Variants in FRMD5 observed in about 807,000 individuals in gnomAD.
FRMD5 encodes the protein FERM domain containing 5.
In FRMD5, 20 loss-of-function variants were observed where a neutral mutation model predicts 69.0. The observed-to-expected ratio is 0.29, with a 90% CI of 0.20 to 0.42. The LOEUF (loss-of-function observed/expected upper bound fraction) is 0.42. Ranked by LOEUF, FRMD5 falls within the 10% of genes least tolerant of loss-of-function variation. FRMD5 has a pLI of 1.00. For missense variants in FRMD5, 595 were observed against 708.6 expected, an observed-to-expected ratio of 0.84 and a Z score of 1.82; for synonymous variants, 271 against 260.1, an observed-to-expected ratio of 1.04 and a Z score of -0.40.
chr15:44,036,617 C>T (rs958566413), intron 1 of FRMD5, among the ~76,000 whole-genome samples: 6 of 152,142 alleles, frequency 3.9e-5, no homozygotes, highest in Admixed American at 2.0e-4. Flanking sequence ...TAAATAAAAT[C>T]GTATGTGTCA....
chr15:43,999,137 G>A (rs1454591540), intron 1 of FRMD5, among the ~76,000 whole-genome samples: 4 of 151,328 alleles, frequency 2.6e-5, no homozygotes, highest in African/African-American at 9.7e-5. Context: ...GTGTGATCTC[G>A]GCTCACTGCA....
chr15:43,972,506 T>C (rs2090396617), intron 1 of FRMD5, among the ~76,000 whole-genome samples: 1 of 152,188 alleles, frequency 6.6e-6, no homozygotes, highest in African/African-American at 2.4e-5. Flanking sequence ...CTATATCTAG[T>C]AGATCTGGGG....
chr15:43,938,502 C>G (rs1225392371), intron 1 of FRMD5, among the ~76,000 whole-genome samples: 1 of 152,244 alleles, frequency 6.6e-6, no homozygotes, highest in Non-Finnish European at 1.5e-5. Context: ...AAGCAACCTA[C>G]AGCTCCATCC....
chr15:44,001,864 G>C (rs1890229250), intron 1 of FRMD5, among the ~76,000 whole-genome samples: 2 of 152,188 alleles, frequency 1.3e-5, no homozygotes, highest in African/African-American at 4.8e-5. Flanking sequence ...CTCCTGAGTA[G>C]CTGGCTAATT....
Position 44,195,125 on chromosome 15 carries a change from C to T in FRMD5, c.-71G>A. On this transcript the variant is annotated 5_prime_UTR_variant, in exon 1 of 14. Transcript: ENST00000417257. ...CTGGACCAGGCGTCCCTCAGCCCGGCAGCTCCGCACCGACCCCAGGCACCT... is the reference window on the plus strand; with the variant it reads ...CTGGACCAGGCGTCCCTCAGCCCGGTAGCTCCGCACCGACCCCAGGCACCT... 2.4e-6 allele frequency: 3 copies of T among 1,264,054 alleles called. No individual in the cohort carries two copies. The highest frequency in any genetic ancestry group is 5.6e-5 in the East Asian group (2 of 35,810). The allele number at this position is 1,264,054 out of a possible 1,614,324, so 78.3% of individuals were successfully genotyped here. A position where few individuals can be genotyped will look rare whatever the true frequency, so the allele number is the denominator to read the frequency against.
chr15:43,989,372 G>A (rs189924070), intron 1 of FRMD5: 50 of 784,886 alleles, frequency 6.4e-5, no homozygotes, highest in Admixed American at 6.3e-4. Flanking sequence ...TGGATGCCGC[G>A]GGATTCCATG....
intron 1 of FRMD5, among the ~76,000 whole-genome samples, chr15:44,026,227 C>T (rs140813174): frequency 1.1e-4 from 17 of 152,324 alleles, no homozygotes; most frequent in African/African-American, 3.4e-4. Context: ...GTGATCCACC[C>T]GCCTTGGCCT....
At chr15:43,917,284 C>A (rs1351099172) in intron 4 of FRMD5, among the ~76,000 whole-genome samples, 1 of 152,138 alleles carries the variant, frequency 6.6e-6, no homozygotes, top group African/African-American at 2.4e-5. Flanking sequence ...TGGGGTCTGC[C>A]CTGGCACCAG....
intron 7 of FRMD5, among the ~76,000 whole-genome samples, chr15:43,900,094 G>C (rs2089008418): frequency 6.6e-6 from 1 of 152,122 alleles, no homozygotes; most frequent in Non-Finnish European, 1.5e-5. Flanking sequence ...CATATCTTCA[G>C]GCAGCCGTCT....
chr15:44,156,023 C>G (rs2077522672), intron 1 of FRMD5, among the ~76,000 whole-genome samples: 1 of 152,172 alleles, frequency 6.6e-6, no homozygotes, highest in Admixed American at 6.5e-5. Flanking sequence ...AGCACAGTGT[C>G]ACAAAAGTTG....
chr15:44,158,690 G>C (rs568743430), intron 1 of FRMD5, among the ~76,000 whole-genome samples: 1 of 152,288 alleles, frequency 6.6e-6, no homozygotes, highest in African/African-American at 2.4e-5. Context: ...GTAAAGAAGA[G>C]CCTACATTTA....
At chr15:43,989,018 G>GT (rs1889535131) in intron 1 of FRMD5, 1 of 808,166 alleles carries the variant, frequency 1.2e-6, no homozygotes, top group Admixed American at 1.8e-5. Context: ...CGCAAGTTAG[G>GT]TTTTGTCAAG....
intron 1 of FRMD5, among the ~76,000 whole-genome samples, chr15:44,183,189 G>C (rs1375755886): frequency 2.6e-5 from 4 of 152,130 alleles, no homozygotes; most frequent in African/African-American, 9.7e-5. Flanking sequence ...GAACAAGAAG[G>C]CTGGTGATCC....
chr15:44,158,478 G>C (rs186937501), intron 1 of FRMD5, among the ~76,000 whole-genome samples: 1 of 152,188 alleles, frequency 6.6e-6, no homozygotes, highest in East Asian at 1.9e-4. Flanking sequence ...CTTGGAAACT[G>C]TTCTGGATAT....
intron 13 of FRMD5, chr15:43,879,590 A>G (rs2140344040): frequency 5.0e-6 from 2 of 399,042 alleles, no homozygotes; most frequent in Non-Finnish European, 8.8e-6. Flanking sequence ...GGATGCGCAC[A>G]CTTAGGGGCC....
intron 1 of FRMD5, among the ~76,000 whole-genome samples, chr15:44,191,932 A>ATATATATATATC (rs2078203231): frequency 1.1e-5 from 1 of 92,036 alleles, no homozygotes; most frequent in Non-Finnish European, 2.2e-5. Flanking sequence ...TTATATATAT[A>ATATATATATATC]TATATATATG....
chr15:44,063,086 C>T (rs1285355081), intron 1 of FRMD5, among the ~76,000 whole-genome samples: 4 of 152,154 alleles, frequency 2.6e-5, no homozygotes, highest in Non-Finnish European at 5.9e-5. Flanking sequence ...GGCTATTCTA[C>T]GTTCTTTCCA....
chr15:43,939,494 C>G (rs1245880587), intron 1 of FRMD5, among the ~76,000 whole-genome samples: 1 of 152,146 alleles, frequency 6.6e-6, no homozygotes, highest in Admixed American at 6.5e-5. Flanking sequence ...GTGGGTTTTT[C>G]TCCCCAGGTA....
At chr15:43,948,954 A>T (rs150628805) in intron 1 of FRMD5, among the ~76,000 whole-genome samples, 1 of 152,366 alleles carries the variant, frequency 6.6e-6, no homozygotes, top group Non-Finnish European at 1.5e-5. Context: ...CCTATTTGCC[A>T]TCTGTCCACA....
Sources: allele counts gnomAD v4.1 joint callset (sites outside exome capture counted in the v4.1 genomes callset), GRCh38; gene constraint gnomAD v4.1.1; transcripts MANE v1.5; gene names NCBI Gene and HGNC (gene_info 2026-07-23, HGNC 2026-07-21).